Variants in ZNF704 observed in about 807,000 individuals in gnomAD.
ZNF704 encodes zinc finger protein 704, also known as glucocorticoid induced gene 1.
Under a neutral mutation model 44.7 loss-of-function variants are expected in ZNF704, and 10 were observed. The observed-to-expected ratio is 0.22, with a 90% CI of 0.14 to 0.38. The LOEUF is 0.38. Ranked by LOEUF, ZNF704 falls within the 10% of genes least tolerant of loss-of-function variation. ZNF704 has a pLI of 1.00. For missense variants in ZNF704, 390 were observed against 545.5 expected, an observed-to-expected ratio of 0.71 and a Z score of 2.84; for synonymous variants, 211 against 207.6, an observed-to-expected ratio of 1.02 and a Z score of -0.14.
At chr8:80,813,883 AAAAAGAAAAG>A (rs1201787730) in intron 2 of ZNF704, among the ~76,000 whole-genome samples, 1 of 152,276 alleles carries the variant, frequency 6.6e-6, no homozygotes, top group South Asian at 2.1e-4. Context: ...TGTCTCAAAA[AAAAAGAAAAG>A]AAAAGAAAAT....
At chr8:80,785,707 T>G (rs976978869) in intron 2 of ZNF704, among the ~76,000 whole-genome samples, 1 of 152,208 alleles carries the variant, frequency 6.6e-6, no homozygotes, top group African/African-American at 2.4e-5. Context: ...TTTTTGTTTT[T>G]TACTTCCTCA....
Position 80,687,253 on chromosome 8 carries a change from G to A in ZNF704, c.531C>T (p.Phe177=), listed in dbSNP as rs1014619623. 5.0e-6 allele frequency: 8 copies of A among 1,612,482 alleles called. No individual in the cohort carries two copies. In the Admixed American group the frequency reaches 1.0e-4, roughly 20 times the overall value. The change falls in exon 4 of 9, where the codon TTC becomes TTT. Residue 177 remains phenylalanine (F), a synonymous_variant. Transcript: ENST00000327835. ...IDEAEASNLL[F]DEPIPRKRKN... ...TTCTTTTCCTGGGAATGGGCTCGTC[G>A]AAGAGCAGGTTGCTGGCCTCCGCCT...
chr8:80,764,298 G>A (rs552581222), intron 2 of ZNF704, among the ~76,000 whole-genome samples: 1 of 152,330 alleles, frequency 6.6e-6, no homozygotes, highest in South Asian at 2.1e-4. Context: ...CCACATGGCT[G>A]AGGAGGTCTC....
intron 4 of ZNF704, among the ~76,000 whole-genome samples, chr8:80,681,739 A>G (rs1273776684): frequency 6.6e-6 from 1 of 152,190 alleles, no homozygotes; most frequent in Non-Finnish European, 1.5e-5. Flanking sequence ...AATGAATTCT[A>G]AAAGTGCATC....
At chr8:80,706,586 C>T (rs1818902745) in intron 2 of ZNF704, among the ~76,000 whole-genome samples, 2 of 152,244 alleles carry the variant, frequency 1.3e-5, no homozygotes, top group Non-Finnish European at 1.5e-5. Flanking sequence ...TGTCTCCCCT[C>T]AGAGAGCAGC....
chr8:80,814,853 T>C (rs1287655050), intron 2 of ZNF704, among the ~76,000 whole-genome samples: 1 of 152,202 alleles, frequency 6.6e-6, no homozygotes, highest in African/African-American at 2.4e-5. Context: ...GCTAGGCTTC[T>C]AGAGATTCAA....
chr8:80,869,579 C>T (rs1809214645), intron 1 of ZNF704, among the ~76,000 whole-genome samples: 1 of 152,224 alleles, frequency 6.6e-6, no homozygotes, highest in South Asian at 2.1e-4. Flanking sequence ...TTCAGGTTCC[C>T]TCCCTAAGGC....
intron 5 of ZNF704, among the ~76,000 whole-genome samples, chr8:80,665,826 AT>A (rs922318117): frequency 2.0e-5 from 3 of 150,472 alleles, no homozygotes; most frequent in African/African-American, 4.9e-5. Context: ...ATTTTATTTT[AT>A]TTTATTTTTT....
intron 2 of ZNF704, among the ~76,000 whole-genome samples, chr8:80,698,381 G>T (rs1283803467): frequency 6.6e-6 from 1 of 152,174 alleles, no homozygotes; most frequent in Non-Finnish European, 1.5e-5. Flanking sequence ...TTGGGCAGTG[G>T]AAGAGCCAGG....
At chr8:80,769,196 C>T (rs1807277791) in intron 2 of ZNF704, among the ~76,000 whole-genome samples, 1 of 152,146 alleles carries the variant, frequency 6.6e-6, no homozygotes, top group Admixed American at 6.5e-5. Flanking sequence ...AGAATTAAGA[C>T]TTATTGATGA....
chr8:80,730,543 A>T (rs1470075046), intron 2 of ZNF704, among the ~76,000 whole-genome samples: 2 of 107,162 alleles, frequency 1.9e-5, no homozygotes, highest in Admixed American at 8.0e-5. Context: ...CATCTTAAAA[A>T]AAAAAAAAAA....
intron 2 of ZNF704, among the ~76,000 whole-genome samples, chr8:80,735,366 C>T (rs1438879948): frequency 6.6e-6 from 1 of 152,176 alleles, no homozygotes; most frequent in South Asian, 2.1e-4. Flanking sequence ...CTGATCCATG[C>T]TTATCGTTCT....
the ZNF704 span, among the ~76,000 whole-genome samples, chr8:80,884,332 C>T: frequency 1.3e-5 from 2 of 152,240 alleles, no homozygotes; most frequent in African/African-American, 4.8e-5. Flanking sequence ...ACATTTTTGT[C>T]GCATTCCTAT....
At chr8:80,699,520 C>T (rs1359330684) in intron 2 of ZNF704, among the ~76,000 whole-genome samples, 1 of 152,136 alleles carries the variant, frequency 6.6e-6, no homozygotes, top group Non-Finnish European at 1.5e-5. Flanking sequence ...AGGCAATATA[C>T]ACCAGTACAT....
At chr8:80,831,565 T>G (rs1285059222) in intron 1 of ZNF704, among the ~76,000 whole-genome samples, 1 of 152,166 alleles carries the variant, frequency 6.6e-6, no homozygotes, top group Non-Finnish European at 1.5e-5. Context: ...GCAGGAAAAG[T>G]GTTCAATGAT....
chr8:80,752,314 GA>G (rs147678090), intron 2 of ZNF704, among the ~76,000 whole-genome samples: 7 of 146,312 alleles, frequency 4.8e-5, no homozygotes, highest in African/African-American at 1.8e-4. Context: ...AGATAAAAAG[GA>G]AAAAAAAAAC....
intron 2 of ZNF704, among the ~76,000 whole-genome samples, chr8:80,795,151 C>T (rs1807777100): frequency 2.0e-5 from 3 of 152,164 alleles, no homozygotes; most frequent in Non-Finnish European, 4.4e-5. Context: ...AACACAGAGA[C>T]TCAGTGGGAC....
At chr8:80,778,057 A>T (rs779278852) in intron 2 of ZNF704, among the ~76,000 whole-genome samples, 50 of 152,174 alleles carry the variant, frequency 3.3e-4, no homozygotes, top group Non-Finnish European at 6.2e-4. Context: ...CCCATAATTA[A>T]CTTCAAAGCT....
chr8:80,874,310 G>GCGCTGCCGCCTCCGCCGCCGC lies in ZNF704; in HGVS notation c.-22+240_-22+260dup, dbSNP rs1164834666. 1.4e-5 allele frequency among the ~76,000 whole-genome samples: 2 copies of GCGCTGCCGCCTCCGCCGCCGC among 144,792 alleles called. No homozygotes were observed. The highest frequency in any genetic ancestry group is 4.9e-5 in the African/African-American group (2 of 40,502). The allele number at this position is 144,792 out of a possible 152,430, so 95.0% of individuals were successfully genotyped here. On this transcript the variant is annotated intron_variant, in intron 1 of 8. Coordinates refer to ENST00000327835, the MANE Select transcript of ZNF704 (RefSeq NM_001033723.3). The surrounding 1 kb of genome is among the most constrained non-coding windows in gnomAD (Gnocchi z 4.4). ...GCGGGGGTGGGTGTGAGCGAGCGGC[G>GCGCTGCCGCCTCCGCCGCCGC]CGCTGCCGCCTCCGCCGCCGCCGCC... is the stretch of plus-strand genomic sequence containing the variant.
Sources: gnomAD v4.1 joint callset for allele counts (sites outside exome capture counted in the v4.1 genomes callset) on GRCh38, gnomAD v4.1.1 for gene constraint, Gnocchi (gnomAD v3.1) non-coding constraint, MANE v1.5 for transcripts, NCBI Gene and HGNC (gene_info 2026-07-23, HGNC 2026-07-21) for gene names.